Variants in AGBL4 observed in about 807,000 individuals in gnomAD.
AGBL4 encodes the protein cytosolic carboxypeptidase 6.
Under a neutral mutation model 66.4 loss-of-function variants are expected in AGBL4, and 58 were observed. The observed-to-expected ratio is 0.87, with a 90% CI of 0.71 to 1.09. The LOEUF (loss-of-function observed/expected upper bound fraction) is 1.09. Ranked by LOEUF, AGBL4 falls within the 50% of genes least tolerant of loss-of-function variation. The pLI is 0.00. For synonymous variants in AGBL4, 234 were observed against 222.9 expected, an observed-to-expected ratio of 1.05 and a Z score of -0.44; for missense variants, 579 against 631.0, an observed-to-expected ratio of 0.92 and a Z score of 0.88.
intron 6 of AGBL4, among the ~76,000 whole-genome samples, chr1:48,862,980 T>C (rs1252035753): frequency 6.6e-6 from 1 of 152,100 alleles, no homozygotes. Flanking sequence ...TTTGGTAAGG[T>C]AATATAGGAA....
intron 4 of AGBL4, among the ~76,000 whole-genome samples, chr1:49,199,785 C>T (rs763065381): frequency 3.3e-5 from 5 of 152,116 alleles, no homozygotes; most frequent in Non-Finnish European, 7.3e-5. Context: ...TCTCTCTGAT[C>T]CAGATACTGC....
intron 5 of AGBL4, among the ~76,000 whole-genome samples, chr1:49,024,020 T>C (rs1020033513): frequency 3.9e-5 from 6 of 152,104 alleles, no homozygotes; most frequent in African/African-American, 1.2e-4. Context: ...CTGAGAGCAA[T>C]TGGCAAGGTA....
At chr1:49,457,535 C>A (rs900299802) in intron 3 of AGBL4, among the ~76,000 whole-genome samples, 1 of 151,780 alleles carries the variant, frequency 6.6e-6, no homozygotes, top group African/African-American at 2.4e-5. Context: ...CTGATTATTT[C>A]TTTTGCTGTG....
chr1:49,327,570 G>T (rs908561516), intron 3 of AGBL4, among the ~76,000 whole-genome samples: 1 of 152,198 alleles, frequency 6.6e-6, no homozygotes, highest in Non-Finnish European at 1.5e-5. Context: ...ATGGCGCCTT[G>T]CTGCAGCATC....
intron 6 of AGBL4, among the ~76,000 whole-genome samples, chr1:48,764,174 G>C (rs1411880657): frequency 6.6e-6 from 1 of 152,208 alleles, no homozygotes; most frequent in Non-Finnish European, 1.5e-5. Context: ...TTAGGAGCAT[G>C]GGAGATCACT....
intron 1 of AGBL4, among the ~76,000 whole-genome samples, chr1:49,874,856 G>T (rs538427324): frequency 6.6e-6 from 1 of 151,744 alleles, no homozygotes; most frequent in African/African-American, 2.4e-5. Flanking sequence ...TTAAGTTTTA[G>T]GGTACATGTG....
At chr1:49,379,939 C>A (rs551938361) in intron 3 of AGBL4, among the ~76,000 whole-genome samples, 69 of 152,132 alleles carry the variant, frequency 4.5e-4, no homozygotes, top group Middle Eastern at 3.4e-3. Context: ...GAAAACTGGC[C>A]TAAGACAGGG....
chr1:49,278,843 A>G (rs1180620119), intron 3 of AGBL4, among the ~76,000 whole-genome samples: 1 of 152,210 alleles, frequency 6.6e-6, no homozygotes, highest in Non-Finnish European at 1.5e-5. Context: ...GCAACATCAA[A>G]TAAGCATGTT....
At chr1:49,212,868 A>C (rs890510772) in intron 4 of AGBL4, among the ~76,000 whole-genome samples, 2 of 152,168 alleles carry the variant, frequency 1.3e-5, no homozygotes, top group Admixed American at 6.6e-5. Context: ...TAAGGTTAGC[A>C]TGTTTACCTT....
intron 3 of AGBL4, among the ~76,000 whole-genome samples, chr1:49,585,093 T>C (rs1644622502): frequency 6.6e-6 from 1 of 152,240 alleles, no homozygotes; most frequent in Non-Finnish European, 1.5e-5. Context: ...CACAGTGCTA[T>C]GCATTTCACC....
At chr1:49,746,182 T>C (rs1165252915) in intron 2 of AGBL4, among the ~76,000 whole-genome samples, 1 of 151,942 alleles carries the variant, frequency 6.6e-6, no homozygotes, top group Non-Finnish European at 1.5e-5. Context: ...TCCTGAACAC[T>C]GTGCTCATTA....
At chr1:49,720,239 A>G (rs1017443126) in intron 2 of AGBL4, among the ~76,000 whole-genome samples, 4 of 152,090 alleles carry the variant, frequency 2.6e-5, no homozygotes, top group Admixed American at 6.6e-5. Context: ...GAGAACCAAC[A>G]TGATACTCAA....
intron 1 of AGBL4, among the ~76,000 whole-genome samples, chr1:49,975,178 T>C (rs904706607): frequency 6.6e-5 from 10 of 152,290 alleles, no homozygotes; most frequent in Admixed American, 3.3e-4. Flanking sequence ...GAAAACAAGA[T>C]AAAATATTAA....
intron 6 of AGBL4, among the ~76,000 whole-genome samples, chr1:48,839,524 T>C (rs956240006): frequency 2.0e-5 from 3 of 151,974 alleles, no homozygotes; most frequent in African/African-American, 7.2e-5. Context: ...GCTAAAAACA[T>C]TGATGTCCTG....
chr1:48,591,847 G>A (rs946932626), intron 9 of AGBL4, among the ~76,000 whole-genome samples: 2 of 152,128 alleles, frequency 1.3e-5, no homozygotes, highest in East Asian at 3.9e-4. Context: ...GGTTCTTATG[G>A]TATTATTTGT....
At chr1:49,565,322 A>C (rs966304695) in intron 3 of AGBL4, among the ~76,000 whole-genome samples, 12 of 152,138 alleles carry the variant, frequency 7.9e-5, no homozygotes, top group Non-Finnish European at 2.9e-5. Context: ...AAGAATTGTT[A>C]TGTGTGAATT....
At chr1:48,632,741 C>T (rs955775965) in intron 9 of AGBL4, among the ~76,000 whole-genome samples, 12 of 152,138 alleles carry the variant, frequency 7.9e-5, no homozygotes, top group African/African-American at 2.9e-4. Context: ...CTATTATCAG[C>T]CAAATGAGAA....
chr1:48,709,982 C>G (rs977496940), intron 6 of AGBL4, among the ~76,000 whole-genome samples: 1 of 152,124 alleles, frequency 6.6e-6, no homozygotes, highest in Admixed American at 6.5e-5. Context: ...TCCTGTTGTA[C>G]ACAGACCCAC....
intron 3 of AGBL4, among the ~76,000 whole-genome samples, chr1:49,321,734 T>C (rs1645135813): frequency 1.3e-5 from 2 of 152,204 alleles, no homozygotes; most frequent in African/African-American, 4.8e-5. Flanking sequence ...GATGGAATAA[T>C]AGCTAAGTGC....
Sources: gnomAD v4.1 joint callset for allele counts (sites outside exome capture counted in the v4.1 genomes callset) on GRCh38, gnomAD v4.1.1 for gene constraint, MANE v1.5 for transcripts, NCBI Gene and HGNC (gene_info 2026-07-23, HGNC 2026-07-21) for gene names.